LIMCH1: variants seen among roughly 807,000 people sequenced by gnomAD.
The protein encoded by LIMCH1 is LIM and calponin homology domains 1, also known as LIM and calponin homology domains-containing protein 1.
In LIMCH1, 113 loss-of-function variants were observed where a neutral mutation model predicts 176.5. The ratio of observed to expected loss-of-function variants is 0.64; its 90% CI spans 0.55 to 0.75. The LOEUF (loss-of-function observed/expected upper bound fraction) is 0.75, where lower values mean the gene tolerates loss of function less well. Among genes scored for constraint, LIMCH1 ranks in the 30% least tolerant of loss-of-function variants. The pLI is 0.00. For synonymous variants in LIMCH1, 619 were observed against 645.9 expected, an observed-to-expected ratio of 0.96 and a Z score of 0.63; for missense variants, 1,674 against 1,814.9, an observed-to-expected ratio of 0.92 and a Z score of 1.41.
At chr4:41,502,383 A>AT (rs2073459045) in intron 2 of LIMCH1, among the ~76,000 whole-genome samples, 1 of 152,064 alleles carries the variant, frequency 6.6e-6, no homozygotes, top group African/African-American at 2.4e-5. Flanking sequence ...GCGTGCCTGT[A>AT]TCTTTATAAT....
At chr4:41,604,172 C>T (rs1052518203) in intron 3 of LIMCH1, 1 of 981,736 alleles carries the variant, frequency 1.0e-6, no homozygotes, top group Admixed American at 6.2e-5. Context: ...GATTCAGTTT[C>T]TTAAACACAA....
At chr4:41,595,578 T>C (rs995216820) in intron 1 of LIMCH1, among the ~76,000 whole-genome samples, 1 of 152,120 alleles carries the variant, frequency 6.6e-6, no homozygotes, top group African/African-American at 2.4e-5. Context: ...AAATAATCCA[T>C]GTACATCCTC....
intron 7 of LIMCH1, among the ~76,000 whole-genome samples, chr4:41,624,305 G>A (rs1159037048): frequency 1.3e-5 from 2 of 152,194 alleles, no homozygotes; most frequent in African/African-American, 2.4e-5. Context: ...AAGGCAGGGG[G>A]TGTGGGGGCG....
At chr4:41,504,539 AC>A (rs1370409576) in intron 2 of LIMCH1, among the ~76,000 whole-genome samples, 2 of 152,174 alleles carry the variant, frequency 1.3e-5, no homozygotes, top group Non-Finnish European at 2.9e-5. Context: ...CGTGGGAGCA[AC>A]CCCATACTCA....
At chr4:41,628,490 A>G (rs1192913231) in intron 8 of LIMCH1, among the ~76,000 whole-genome samples, 1 of 151,794 alleles carries the variant, frequency 6.6e-6, no homozygotes, top group African/African-American at 2.4e-5. Flanking sequence ...TCCTCAAACT[A>G]AGAAAATTCT....
chr4:41,566,143 A>C (rs1360914065), intron 1 of LIMCH1, among the ~76,000 whole-genome samples: 4 of 152,164 alleles, frequency 2.6e-5, no homozygotes, highest in Non-Finnish European at 5.9e-5. Flanking sequence ...GAGTCAGGCC[A>C]TATGGGTGGT....
chr4:41,617,814 G>A (rs751279088), intron 5 of LIMCH1, among the ~76,000 whole-genome samples: 3 of 152,136 alleles, frequency 2.0e-5, no homozygotes, highest in Admixed American at 6.5e-5. Context: ...ACAACCCTAG[G>A]AGCCCCAGCT....
chr4:41,684,976 A>G (rs1402755733), intron 27 of LIMCH1, among the ~76,000 whole-genome samples: 1 of 152,138 alleles, frequency 6.6e-6, no homozygotes, highest in Non-Finnish European at 1.5e-5. Context: ...CTGGCTCACC[A>G]TAGCAAAATT....
chr4:41,672,640 A>G (rs928494665), intron 22 of LIMCH1, among the ~76,000 whole-genome samples: 3 of 152,220 alleles, frequency 2.0e-5, no homozygotes, highest in Non-Finnish European at 2.9e-5. Context: ...ACATTTGTTA[A>G]TTAAAATAAG....
intron 1 of LIMCH1, among the ~76,000 whole-genome samples, chr4:41,447,618 A>G: frequency 6.6e-6 from 1 of 152,182 alleles, no homozygotes; most frequent in East Asian, 1.9e-4. Flanking sequence ...ACTGAAGGAA[A>G]ATTCTTGTTG....
chr4:41,642,834 C>T (rs746983445), intron 14 of LIMCH1, among the ~76,000 whole-genome samples: 1 of 151,202 alleles, frequency 6.6e-6, no homozygotes, highest in Non-Finnish European at 1.5e-5. Flanking sequence ...CCACCTTGGC[C>T]TCCCAGAGTG....
chr4:41,575,069 A>C (rs6414658), intron 1 of LIMCH1, among the ~76,000 whole-genome samples: 60,479 of 152,164 alleles, frequency 0.4, 17,975 homozygotes, highest in African/African-American at 0.84. Context: ...CAATTTATTG[A>C]GGCATATTTT....
intron 1 of LIMCH1, among the ~76,000 whole-genome samples, chr4:41,383,204 A>G (rs1332782712): frequency 1.3e-5 from 2 of 152,056 alleles, no homozygotes; most frequent in African/African-American, 2.4e-5. Context: ...CACCCTTTCT[A>G]TGTTTGGTCT....
chr4:41,608,018 T>C (rs1439688433), intron 4 of LIMCH1, among the ~76,000 whole-genome samples: 2 of 152,216 alleles, frequency 1.3e-5, no homozygotes, highest in Non-Finnish European at 2.9e-5. Flanking sequence ...AAATAACAGA[T>C]AAAATAAGAC....
At chr4:41,632,952 G>A (rs767551821) in intron 11 of LIMCH1, 25 bp from the exon 12 acceptor site, 1 of 1,533,150 alleles carries the variant, frequency 6.5e-7, no homozygotes, top group Non-Finnish European at 8.7e-7. Flanking sequence ...TTTCCTAGGA[G>A]TGAAACTGTC....
intron 1 of LIMCH1, among the ~76,000 whole-genome samples, chr4:41,435,588 G>C (rs1403471138): frequency 6.6e-6 from 1 of 152,186 alleles, no homozygotes; most frequent in African/African-American, 2.4e-5. Flanking sequence ...TCATTTGAGT[G>C]CAGAATAAAG....
intron 20 of LIMCH1, among the ~76,000 whole-genome samples, 189 bp from the exon 21 acceptor site, chr4:41,666,372 G>A (rs916859191): frequency 3.9e-5 from 6 of 152,166 alleles, no homozygotes; most frequent in Admixed American, 3.3e-4. Flanking sequence ...AAAAATTGAC[G>A]CTCTGTTAAT....
intron 4 of LIMCH1, chr4:41,613,168 C>T: frequency 7.7e-7 from 1 of 1,305,094 alleles, no homozygotes. Flanking sequence ...ACTTTGTGAT[C>T]CTTTCTTCTA....
At chr4:41,682,897 G>A (rs1315404903) in intron 26 of LIMCH1, among the ~76,000 whole-genome samples, 15 of 151,944 alleles carry the variant, frequency 9.9e-5, no homozygotes, top group African/African-American at 3.1e-4. Flanking sequence ...GGCTGGTCTC[G>A]AACTCCTGAC....
Sources: allele counts gnomAD v4.1 joint callset (sites outside exome capture counted in the v4.1 genomes callset), GRCh38; gene constraint gnomAD v4.1.1; transcripts MANE v1.5; gene names NCBI Gene and HGNC (gene_info 2026-07-23, HGNC 2026-07-21).